AMMECR1L: variants seen among roughly 807,000 people sequenced by gnomAD.
AMMECR1L encodes AMMECR1-like protein.
In AMMECR1L, 4 loss-of-function variants were observed where a neutral mutation model predicts 36.8. The observed-to-expected ratio is 0.11, with a 90% CI of 0.05 to 0.25. AMMECR1L has a LOEUF of 0.25. Ranked by LOEUF, AMMECR1L falls within the 10% of genes least tolerant of loss-of-function variation. The probability of loss-of-function intolerance (pLI) is 1.00; values close to 1 mark genes in which losing one functional copy is unlikely to be tolerated. For synonymous variants in AMMECR1L, 147 were observed against 148.0 expected (o/e 0.99, Z 0.05); for missense variants, 232 against 392.1 (o/e 0.59, Z 3.45).
Position 127,865,088 on chromosome 2 carries a change from C to G in AMMECR1L, c.*6G>C. Reference sequence around the variant, plus strand: ...GGGGGGGTGGGACTGGTCATGCAGCCGTGTGTCAGGAGTAATGATTGTAGA... The same window carrying G: ...GGGGGGGTGGGACTGGTCATGCAGCGGTGTGTCAGGAGTAATGATTGTAGA... On this transcript the variant is annotated 3_prime_UTR_variant, in exon 8 of 8. Transcript: ENST00000272647. The surrounding 1 kb of genome is among the most constrained non-coding windows in gnomAD (Gnocchi z 5.4). 6.2e-7 allele frequency: 1 copy of G among 1,609,316 alleles called. No individual in the cohort carries two copies. Among genetic ancestry groups the G allele is most frequent in the Non-Finnish European group, 8.5e-7 (1 of 1,176,958 alleles).
intron 2 of AMMECR1L, among the ~76,000 whole-genome samples, chr2:127,877,289 T>C (rs1041241676): frequency 1.3e-5 from 2 of 150,960 alleles, no homozygotes; most frequent in Non-Finnish European, 2.9e-5. Context: ...GCTACCATCA[T>C]TTTACATTTT....
At chr2:127,881,030 C>G (rs1038172823) in intron 2 of AMMECR1L, among the ~76,000 whole-genome samples, 2 of 152,150 alleles carry the variant, frequency 1.3e-5, no homozygotes, top group Non-Finnish European at 2.9e-5. Context: ...CACCTAAATT[C>G]ACTTCTTGGT....
chr2:127,873,070 A>G lies in AMMECR1L; in HGVS notation c.407+758T>C, dbSNP rs1691061999. On this transcript the variant is annotated intron_variant, in intron 3 of 7. Coordinates refer to ENST00000272647, the MANE Select transcript of AMMECR1L (RefSeq NM_001199140.2). This position sits in a 1 kb window ranked among gnomAD's most constrained non-coding sequence, Gnocchi z 5.2. Reference sequence around the variant, plus strand: ...AAGGTTTTGTAGTCTCCGTATGGCAATCAACAACTGAGGAATGAATAATCT... The same window carrying G: ...AAGGTTTTGTAGTCTCCGTATGGCAGTCAACAACTGAGGAATGAATAATCT... The G allele has an allele frequency of 5.1e-6, 5 of 985,304 alleles. No homozygotes were observed. Among genetic ancestry groups the G allele is most frequent in the South Asian group, 4.7e-5 (1 of 21,284 alleles). 61.0% of individuals were successfully genotyped at this position (985,304 alleles called of 1,614,324 possible).
At position 127,873,696 on chromosome 2, in the gene AMMECR1L, T is replaced by C; in HGVS notation, c.407+132A>G. Reference sequence around the variant, plus strand: ...TTTTAAATATTCTCTGGACATTTCTTATCATTCTCTTCCCATTACCCTTTC... The same window carrying C: ...TTTTAAATATTCTCTGGACATTTCTCATCATTCTCTTCCCATTACCCTTTC... On this transcript the variant is annotated intron_variant, in intron 3 of 7. Transcript: ENST00000272647. The surrounding 1 kb of genome is among the most constrained non-coding windows in gnomAD (Gnocchi z 5.2). The C allele has an allele frequency of 6.4e-7, 1 of 1,560,364 alleles. No homozygotes were observed. Among genetic ancestry groups the C allele is most frequent in the Non-Finnish European group, 8.6e-7 (1 of 1,165,040 alleles).
In AMMECR1L at chr2:127,869,876, A is replaced by C. The variant is rs747902921; in HGVS notation, c.634-332T>G. 7.9e-4 allele frequency among the ~76,000 whole-genome samples: 120 copies of C among 152,246 alleles called. 1 individual carries two copies. The highest frequency in any genetic ancestry group is 2.4e-4 in the Non-Finnish European group (16 of 68,034). ...TGCCACAAGGTTTTTATCTGGGGTCATGATCCTTCACATCTGATTCCTAAT... is the reference window on the plus strand; with the variant it reads ...TGCCACAAGGTTTTTATCTGGGGTCCTGATCCTTCACATCTGATTCCTAAT... On this transcript the variant is annotated intron_variant, in intron 5 of 7. Coordinates refer to ENST00000272647, the MANE Select transcript of AMMECR1L (RefSeq NM_001199140.2). The surrounding 1 kb of genome is among the most constrained non-coding windows in gnomAD (Gnocchi z 4.7).
At chr2:127,867,185 G>C in intron 6 of AMMECR1L, 189 bp from the exon 7 acceptor site, 2 of 985,472 alleles carry the variant, frequency 2.0e-6, no homozygotes, top group Non-Finnish European at 2.4e-6. Flanking sequence ...GAGACTCTGA[G>C]ACATGAGATG....
chr2:127,862,098 TCAAAGA>T lies in AMMECR1L; in HGVS notation c.*2990_*2995del, dbSNP rs1202628911. 2 of 153,074 alleles carry T rather than the reference TCAAAGA, an allele frequency of 1.3e-5. No homozygotes were observed. Among genetic ancestry groups the T allele is most frequent in the Non-Finnish European group, 2.9e-5 (2 of 68,048 alleles). The allele number at this position is 153,074 out of a possible 1,614,324, so 9.5% of individuals were successfully genotyped here. A position where few individuals can be genotyped will look rare whatever the true frequency, so the allele number is the denominator to read the frequency against. ...ATCCAACACCGACAGACTCTAGTGA[TCAAAGA>T]CATTCTCTTTTAATGTAAAACAAGG... On this transcript the variant is annotated 3_prime_UTR_variant, in exon 8 of 8. Transcript: ENST00000272647.
At position 127,871,878 on chromosome 2, in the gene AMMECR1L, T is replaced by C; in HGVS notation, c.408-519A>G. Among the ~76,000 whole-genome samples, 1 of 152,242 alleles carries C rather than the reference T, an allele frequency of 6.6e-6. No individual in the cohort carries two copies. The highest frequency in any genetic ancestry group is 2.4e-5 in the African/African-American group (1 of 41,546). On this transcript the variant is annotated intron_variant, in intron 3 of 7. Transcript: ENST00000272647. This position sits in a 1 kb window ranked among gnomAD's most constrained non-coding sequence, Gnocchi z 4.3. The stretch of plus-strand genomic sequence containing the variant: ...AAAAAAAAGTTCCCTCAAAAAACAT[T>C]TTTTAATTTTTAAAAAAAGATTTAA...
At chr2:127,885,143 G>T in intron 1 of AMMECR1L, 5 of 985,190 alleles carry the variant, frequency 5.1e-6, no homozygotes, top group Non-Finnish European at 6.0e-6. Context: ...GGAATGGGGG[G>T]CCAGCGGAGG....
In AMMECR1L at chr2:127,873,991, C is replaced by T. The variant is rs146751577; in HGVS notation, c.244G>A (p.Ala82Thr). The stretch of plus-strand genomic sequence containing the variant: ...GGAAGAGGGCTCAGCGCTCCCGATG[C>T]GGGATTCATTCGTGTGATGGGAGAG... The part of the protein sequence containing the change: ...GNSPITRMNP[A>T]SGALSPLPRP... The change falls in exon 3 of 8, where the codon GCA (alanine) becomes ACA (threonine). Residue 82 changes from alanine to threonine, a missense_variant. Coordinates refer to ENST00000272647, the MANE Select transcript of AMMECR1L (RefSeq NM_001199140.2). The surrounding 1 kb of genome is among the most constrained non-coding windows in gnomAD (Gnocchi z 5.2). 2.2e-5 allele frequency: 35 copies of T among 1,614,086 alleles called. No individual in the cohort carries two copies. Among genetic ancestry groups the T allele is most frequent in the Admixed American group, 1.3e-4 (8 of 60,010 alleles).
At chr2:127,881,328 A>ATTTTTTTTTTTTTTT (rs1291937253) in intron 2 of AMMECR1L, among the ~76,000 whole-genome samples, 1 of 149,402 alleles carries the variant, frequency 6.7e-6, no homozygotes, top group Non-Finnish European at 1.5e-5. Flanking sequence ...TGAGACTGCT[A>ATTTTTTTTTTTTTTT]TTGACACAAA....
intron 2 of AMMECR1L, among the ~76,000 whole-genome samples, chr2:127,875,444 C>T (rs1042450437): frequency 3.9e-5 from 6 of 152,016 alleles, no homozygotes; most frequent in Non-Finnish European, 2.9e-5. Flanking sequence ...TAAATTTTCC[C>T]CTGTGATTTG....
chr2:127,867,933 C>T (rs750233102), intron 6 of AMMECR1L, among the ~76,000 whole-genome samples: 6 of 152,128 alleles, frequency 3.9e-5, no homozygotes, highest in Admixed American at 1.3e-4. Flanking sequence ...AGCGCAGTGG[C>T]GCAATATTGG....
chr2:127,868,681 T>G (rs1186468519), intron 6 of AMMECR1L, among the ~76,000 whole-genome samples: 1 of 151,888 alleles, frequency 6.6e-6, no homozygotes, highest in Non-Finnish European at 1.5e-5. Context: ...ATCTGCTCGA[T>G]CCACCCTACC....
In AMMECR1L at chr2:127,862,629, T is replaced by TAA. The variant is rs374381039; in HGVS notation, c.*2464_*2465insTT. 583 of 152,972 alleles carry TAA rather than the reference T, an allele frequency of 3.8e-3. 2 individuals carry two copies. Among genetic ancestry groups the TAA allele is most frequent in the South Asian group, 7.2e-3 (35 of 4,836 alleles). 9.5% of individuals were successfully genotyped at this position (152,972 alleles called of 1,614,324 possible). A position where few individuals can be genotyped will look rare whatever the true frequency, so the allele number is the denominator to read the frequency against. On this transcript the variant is annotated 3_prime_UTR_variant, in exon 8 of 8. Transcript: ENST00000272647. ...CAAATGGTTTCCCTTGGTCGACTCC[T>TAA]GAGTCCCCTGACAAAGCAAGAGGAA... is the stretch of plus-strand genomic sequence containing the variant.
intron 2 of AMMECR1L, among the ~76,000 whole-genome samples, chr2:127,880,562 G>A (rs1691446267): frequency 6.6e-6 from 1 of 151,906 alleles, no homozygotes; most frequent in African/African-American, 2.4e-5. Flanking sequence ...ACTCAAGGGG[G>A]CCCTGAACTT....
Position 127,874,153 on chromosome 2 carries a change from C to T in AMMECR1L, c.82G>A (p.Gly28Arg). Reference protein sequence around the residue: ...CCGVKKPKLSGSGTHSHGNQS... With the variant: ...CCGVKKPKLSRSGTHSHGNQS... ...TTCCCGTGACTGTGCGTTCCACTTC[C>T]AGATAATTTGGGCTTCTTGACCCCA... Residue 28 changes from glycine (G) to arginine (R), a missense_variant, in exon 3 of 8, where the codon GGA (glycine) becomes AGA (arginine). Around this residue, in one of 3 missense-constraint regions of AMMECR1L, gnomAD observed 109 missense variants for 128.1 expected, o/e 0.85. Transcript: ENST00000272647. The surrounding 1 kb of genome is among the most constrained non-coding windows in gnomAD (Gnocchi z 5.2). The T allele has an allele frequency of 1.2e-6, 2 of 1,614,148 alleles. No individual in the cohort carries two copies. The highest frequency in any genetic ancestry group is 1.7e-6 in the Non-Finnish European group (2 of 1,180,028).
chr2:127,871,978 A>C lies in AMMECR1L; in HGVS notation c.408-619T>G, dbSNP rs7584140. On this transcript the variant is annotated intron_variant, in intron 3 of 7. Coordinates refer to ENST00000272647, the MANE Select transcript of AMMECR1L (RefSeq NM_001199140.2). This position sits in a 1 kb window ranked among gnomAD's most constrained non-coding sequence, Gnocchi z 4.3. ...CCAAGGTGGGCGGATCACTTGAGGT[A>C]AGGAGTTCTAGACCAGCCTGGTCAT... Among the ~76,000 whole-genome samples the C allele has an allele frequency of 0.5, 75,256 of 151,750 alleles. 19,803 individuals are homozygous for C. Among genetic ancestry groups the C allele is most frequent in the African/African-American group, 0.67 (27,851 of 41,370 alleles).
intron 7 of AMMECR1L, among the ~76,000 whole-genome samples, chr2:127,866,433 A>G (rs1440715626): frequency 2.0e-5 from 3 of 152,228 alleles, no homozygotes; most frequent in Non-Finnish European, 4.4e-5. Flanking sequence ...TCTGCATTCT[A>G]CTACACTAGG....
Sources: allele counts gnomAD v4.1 joint callset (sites outside exome capture counted in the v4.1 genomes callset), GRCh38; gene constraint gnomAD v4.1.1; regional missense constraint gnomAD v4.1.1; non-coding constraint Gnocchi (gnomAD v3.1); transcripts MANE v1.5; gene names NCBI Gene and HGNC (gene_info 2026-07-23, HGNC 2026-07-21).